IL23R: variants seen among roughly 807,000 people sequenced by gnomAD.
The protein encoded by IL23R is interleukin-23 receptor.
Under a neutral mutation model 56.9 loss-of-function variants are expected in IL23R, and 34 were observed. The observed-to-expected ratio is 0.60, with a 90% CI of 0.45 to 0.80. The LOEUF is 0.80. Among genes scored for constraint, IL23R ranks in the 30% least tolerant of loss-of-function variants. The pLI is 0.00. For missense variants in IL23R, 635 were observed against 730.0 expected, an observed-to-expected ratio of 0.87 and a Z score of 1.50; for synonymous variants, 230 against 249.2, an observed-to-expected ratio of 0.92 and a Z score of 0.73.
chr1:67,222,529 TAGTC>T (rs1650361852), intron 7 of IL23R, among the ~76,000 whole-genome samples: 2 of 152,232 alleles, frequency 1.3e-5, no homozygotes, highest in African/African-American at 2.4e-5. Context: ...CATTTTATAA[TAGTC>T]AGAATTTAGT....
At chr1:67,141,714 C>T (rs1339824934) in intron 1 of IL23R, among the ~76,000 whole-genome samples, 2 of 152,114 alleles carry the variant, frequency 1.3e-5, no homozygotes, top group Non-Finnish European at 2.9e-5. Context: ...GCTGAGATCA[C>T]GCCACTGCAC....
At chr1:67,184,660 T>C (rs1396631972) in intron 4 of IL23R, among the ~76,000 whole-genome samples, 1 of 151,770 alleles carries the variant, frequency 6.6e-6, no homozygotes, top group Non-Finnish European at 1.5e-5. Context: ...TTTTTTTCTG[T>C]CACTAATTCT....
intron 4 of IL23R, among the ~76,000 whole-genome samples, chr1:67,191,056 G>T (rs1647703032): frequency 6.6e-6 from 1 of 152,148 alleles, no homozygotes; most frequent in African/African-American, 2.4e-5. Flanking sequence ...GCTAATTGTG[G>T]CTGGAGACAA....
chr1:67,165,740 T>C (rs11465753), upstream of IL23R, among the ~76,000 whole-genome samples: 46,801 of 151,902 alleles, frequency 0.31, 7,756 homozygotes, highest in Admixed American at 0.45. Flanking sequence ...GTGATCTCAC[T>C]TATATGCAGA....
intron 8 of IL23R, among the ~76,000 whole-genome samples, chr1:67,237,200 G>A (rs539171268): frequency 1.2e-4 from 19 of 152,170 alleles, no homozygotes; most frequent in African/African-American, 4.1e-4. Context: ...CCGCCATCAC[G>A]CCCAGCTAAT....
Position 67,205,887 on chromosome 1 carries a change from C to CTTTCTT in IL23R, c.653-1021_653-1016dup, listed in dbSNP as rs1553291009. Among the ~76,000 whole-genome samples, 7 of 111,414 alleles carry CTTTCTT rather than the reference C, an allele frequency of 6.3e-5. No individual in the cohort carries two copies. The East Asian group carries it at 1.5e-3, about 24-fold the overall frequency. The allele number at this position is 111,414 out of a possible 152,430, so 73.1% of individuals were successfully genotyped here. A position where few individuals can be genotyped will look rare whatever the true frequency, so the allele number is the denominator to read the frequency against. On this transcript the variant is annotated intron_variant, in intron 5 of 10. Coordinates refer to ENST00000347310, the MANE Select transcript of IL23R (RefSeq NM_144701.3). ...ATTGAACATCCATCTTTCTTTCTTT[C>CTTTCTT]TTTCTTTCTTTCTTTCTTTCTTTCT...
At chr1:67,204,208 C>A (rs1490873418) in intron 5 of IL23R, among the ~76,000 whole-genome samples, 2 of 152,168 alleles carry the variant, frequency 1.3e-5, no homozygotes, top group African/African-American at 2.4e-5. Context: ...GGACTACAGG[C>A]GCCAGCCACC....
At position 67,150,423 on chromosome 1, in the gene IL23R, C is replaced by T. The variant is rs192191942; in HGVS notation, c.-634+11262C>T. ...TGTCCTAATGCTCTCCCTCCCCTTG[C>T]TCCCCACCTTCTGACAGGTCCCGGT... On this transcript the variant is annotated intron_variant, in intron 1 of 10. Coordinates refer to the IL23R transcript ENST00000637002. Among the ~76,000 whole-genome samples the T allele has an allele frequency of 9.0e-4, 137 of 151,974 alleles. 1 individual carries two copies. In the East Asian group the frequency reaches 0.021, roughly 23 times the overall value.
upstream of IL23R, among the ~76,000 whole-genome samples, chr1:67,165,914 A>G (rs1011223738): frequency 1.3e-5 from 2 of 152,236 alleles, no homozygotes; most frequent in African/African-American, 4.8e-5. Flanking sequence ...CATAGTTAAC[A>G]ATACTGAATT....
In IL23R at chr1:67,258,652, A is replaced by G. The variant is rs751235836; in HGVS notation, c.1414A>G (p.Thr472Ala). Residue 472 changes from threonine (T) to alanine (A), a missense_variant, in exon 11 of 11, where the codon ACT (threonine) becomes GCT (alanine). Transcript: ENST00000347310. ...DYPQNSLFDN[T>A]TVVYIPDLNT... ...CCCGCAAAACTCGCTATTCGACAATACTACAGTTGTATATATTCCTGATCT... is the reference window on the plus strand; with the variant it reads ...CCCGCAAAACTCGCTATTCGACAATGCTACAGTTGTATATATTCCTGATCT... 4.3e-6 allele frequency: 7 copies of G among 1,613,872 alleles called. No individual in the cohort carries two copies. Among genetic ancestry groups the G allele is most frequent in the Middle Eastern group, 1.6e-4 (1 of 6,082 alleles).
At chr1:67,167,167 A>G (rs1400753495) in intron 1 of IL23R, among the ~76,000 whole-genome samples, 1 of 152,100 alleles carries the variant, frequency 6.6e-6, no homozygotes, top group Non-Finnish European at 1.5e-5. Flanking sequence ...CAATGGTGTG[A>G]TCATGGTTCA....
chr1:67,181,974 C>T (rs989738782), intron 3 of IL23R, among the ~76,000 whole-genome samples: 5 of 152,140 alleles, frequency 3.3e-5, no homozygotes, highest in African/African-American at 9.7e-5. Flanking sequence ...AATGTTGCTG[C>T]CTGATTGTTC....
chr1:67,206,857 C>T lies in IL23R; in HGVS notation c.653-53C>T. ...TATTGACGAAAAGATGCCAGTTTCT[C>T]CCTAGGCAAGTTTTAAACAGCCAGG... On this transcript the variant is annotated intron_variant, in intron 5 of 10. Transcript: ENST00000347310. 3.3e-6 allele frequency: 5 copies of T among 1,508,910 alleles called. No individual in the cohort carries two copies. In the South Asian group the frequency reaches 3.9e-5, roughly 12 times the overall value. 93.5% of individuals were successfully genotyped at this position (1,508,910 alleles called of 1,614,324 possible).
intron 1 of IL23R, among the ~76,000 whole-genome samples, chr1:67,160,523 G>A (rs1394262701): frequency 6.6e-6 from 1 of 152,156 alleles, no homozygotes; most frequent in Non-Finnish European, 1.5e-5. Context: ...GAATAGATTT[G>A]CAAACCAGAC....
intron 1 of IL23R, among the ~76,000 whole-genome samples, chr1:67,160,611 C>A (rs1264405224): frequency 2.0e-5 from 3 of 152,144 alleles, no homozygotes; most frequent in Non-Finnish European, 4.4e-5. Flanking sequence ...ATGTGAAGGC[C>A]AAGTGAATGA....
At chr1:67,247,265 T>G (rs183960664) in intron 9 of IL23R, among the ~76,000 whole-genome samples, 1 of 152,228 alleles carries the variant, frequency 6.6e-6, no homozygotes. Context: ...TTATCCAATT[T>G]GCCAGTCTGT....
chr1:67,188,776 A>G (rs1647534756), intron 4 of IL23R, among the ~76,000 whole-genome samples: 1 of 152,178 alleles, frequency 6.6e-6, no homozygotes, highest in Non-Finnish European at 1.5e-5. Flanking sequence ...AGAAGGGGCC[A>G]GGCAGCTCCC....
Position 67,236,658 on chromosome 1 carries a change from T to A in IL23R, c.956-55T>A, listed in dbSNP as rs1651493756. On this transcript the variant is annotated intron_variant, in intron 7 of 10. Coordinates refer to ENST00000347310, the MANE Select transcript of IL23R (RefSeq NM_144701.3). ...AAGGGAAGAAACTCCGTTGGGAAATTTGGCAAGCAGAGTGCAAAATGTAAG... is the reference window on the plus strand; with the variant it reads ...AAGGGAAGAAACTCCGTTGGGAAATATGGCAAGCAGAGTGCAAAATGTAAG... 1.9e-5 allele frequency: 22 copies of A among 1,134,804 alleles called. No individual in the cohort carries two copies. The South Asian group carries it at 2.7e-4, about 14-fold the overall frequency. 70.3% of individuals were successfully genotyped at this position (1,134,804 alleles called of 1,614,324 possible). A position where few individuals can be genotyped will look rare whatever the true frequency, so the allele number is the denominator to read the frequency against.
Position 67,185,686 on chromosome 1 carries a change from G to A in IL23R, c.491+2727G>A, listed in dbSNP as rs536796557. ...CACCTCATCAGTCAAGAAAGTCCAC[G>A]TAGAAACTAGACAGATTTTATGAAC... is the stretch of plus-strand genomic sequence containing the variant. On this transcript the variant is annotated intron_variant, in intron 4 of 10. Coordinates refer to ENST00000347310, the MANE Select transcript of IL23R (RefSeq NM_144701.3). Among the ~76,000 whole-genome samples the A allele has an allele frequency of 3.9e-4, 59 of 152,158 alleles. 1 individual carries two copies. Among genetic ancestry groups the A allele is most frequent in the African/African-American group, 1.2e-4 (5 of 41,434 alleles).
Sources: gnomAD v4.1 joint callset for allele counts (sites outside exome capture counted in the v4.1 genomes callset) on GRCh38, gnomAD v4.1.1 for gene constraint, MANE v1.5 for transcripts, NCBI Gene and HGNC (gene_info 2026-07-23, HGNC 2026-07-21) for gene names.